Variants in ZFYVE9 observed in about 807,000 individuals in gnomAD.
The protein encoded by ZFYVE9 is zinc finger FYVE domain-containing protein 9.
A neutral mutation model predicts 126.7 loss-of-function variants in ZFYVE9; 43 were observed. The observed-to-expected ratio is 0.34, with a 90% CI of 0.27 to 0.44. ZFYVE9 has a LOEUF of 0.44. Ranked by LOEUF, ZFYVE9 falls within the 20% of genes least tolerant of loss-of-function variation. The probability of loss-of-function intolerance (pLI) is 1.00; values close to 1 mark genes in which losing one functional copy is unlikely to be tolerated. For missense variants in ZFYVE9, 1,476 were observed against 1,697.0 expected (o/e 0.87, Z 2.29); for synonymous variants, 521 against 597.4 (o/e 0.87, Z 1.87).
chr1:52,252,210 T>C (rs1048676747), intron 4 of ZFYVE9: 1 of 155,070 alleles, frequency 6.4e-6, no homozygotes, highest in African/African-American at 2.4e-5. Context: ...ACAGCTACTA[T>C]TAATGCTGCT....
intron 2 of ZFYVE9, among the ~76,000 whole-genome samples, chr1:52,220,198 T>G (rs2124602063): frequency 6.6e-6 from 1 of 152,318 alleles, no homozygotes; most frequent in East Asian, 1.9e-4. Context: ...TTTGATTAAT[T>G]CTTTCTACCC....
chr1:52,170,219 C>T (rs185051683), intron 1 of ZFYVE9, among the ~76,000 whole-genome samples: 42 of 152,122 alleles, frequency 2.8e-4, no homozygotes, highest in East Asian at 5.8e-4. Flanking sequence ...ATTCATTTGA[C>T]GATACTTATT....
At chr1:52,305,227 C>T (rs191653705) in intron 13 of ZFYVE9, among the ~76,000 whole-genome samples, 3 of 152,094 alleles carry the variant, frequency 2.0e-5, no homozygotes, top group Admixed American at 6.6e-5. Context: ...GATCACCTGA[C>T]GTCAGGAGTT....
chr1:52,187,991 A>G (rs1644780277), intron 1 of ZFYVE9, among the ~76,000 whole-genome samples: 1 of 152,234 alleles, frequency 6.6e-6, no homozygotes, highest in Non-Finnish European at 1.5e-5. Context: ...TACCCAAAGG[A>G]ATATAAATTG....
At chr1:52,146,146 G>A (rs1289302587) in intron 1 of ZFYVE9, among the ~76,000 whole-genome samples, 1 of 151,842 alleles carries the variant, frequency 6.6e-6, no homozygotes, top group African/African-American at 2.4e-5. Context: ...ATTGTATTTG[G>A]CATTGTAAGT....
At chr1:52,170,673 G>A (rs1431357384) in intron 1 of ZFYVE9, among the ~76,000 whole-genome samples, 1 of 152,000 alleles carries the variant, frequency 6.6e-6, no homozygotes, top group Non-Finnish European at 1.5e-5. Context: ...TCGGCATGTT[G>A]TGTTTCCATT....
chr1:52,273,029 C>T (rs960997193), intron 7 of ZFYVE9, among the ~76,000 whole-genome samples: 7 of 151,634 alleles, frequency 4.6e-5, no homozygotes, highest in African/African-American at 7.3e-5. Flanking sequence ...TGTTTTGAGA[C>T]GGAGTTTTGT....
chr1:52,212,707 G>A (rs993105242), intron 1 of ZFYVE9, among the ~76,000 whole-genome samples: 9 of 152,210 alleles, frequency 5.9e-5, no homozygotes, highest in African/African-American at 1.9e-4. Flanking sequence ...ATACTACTAT[G>A]TGAAAAGAAT....
At chr1:52,229,026 C>T (rs1326457032) in intron 2 of ZFYVE9, among the ~76,000 whole-genome samples, 1 of 151,914 alleles carries the variant, frequency 6.6e-6, no homozygotes, top group African/African-American at 2.4e-5. Context: ...AGTAGCTGCA[C>T]CACCACACCT....
At chr1:52,328,561 T>C (rs1646312790) in intron 13 of ZFYVE9, among the ~76,000 whole-genome samples, 1 of 152,226 alleles carries the variant, frequency 6.6e-6, no homozygotes, top group South Asian at 2.1e-4. Flanking sequence ...ATGATTTCCT[T>C]TGAGGCCAGC....
intron 1 of ZFYVE9, among the ~76,000 whole-genome samples, chr1:52,181,234 T>C (rs1203894681): frequency 6.6e-6 from 1 of 152,090 alleles, no homozygotes; most frequent in Non-Finnish European, 1.5e-5. Context: ...AGGCGCGCGC[T>C]GCCACGCCTG....
chr1:52,279,387 C>T (rs2147814631), intron 9 of ZFYVE9, among the ~76,000 whole-genome samples: 1 of 152,274 alleles, frequency 6.6e-6, no homozygotes, highest in East Asian at 1.9e-4. Context: ...AGCTTCAATA[C>T]ATCATAAATT....
At chr1:52,325,364 A>G (rs762768061) in intron 13 of ZFYVE9, among the ~76,000 whole-genome samples, 17 of 152,050 alleles carry the variant, frequency 1.1e-4, no homozygotes, top group East Asian at 9.6e-4. Context: ...CATAAAAAAT[A>G]AAAGAATTAG....
rs747487611 is a variant in ZFYVE9, at chr1:52,274,507, G to T, written c.2669G>T (p.Ser890Ile). 2 of 1,612,774 alleles carry T rather than the reference G, an allele frequency of 1.2e-6. No individual in the cohort carries two copies. Among genetic ancestry groups the T allele is most frequent in the Non-Finnish European group, 1.7e-6 (2 of 1,179,156 alleles). ...TCTGGGAGTATAACTCAGGTTGGAAGTCCTGTTGGAAGTGCAATGAATCTT... is the reference window on the plus strand; with the variant it reads ...TCTGGGAGTATAACTCAGGTTGGAATTCCTGTTGGAAGTGCAATGAATCTT... ...LFSGSITQVG[S>I]PVGSAMNLIP... The change falls in exon 8 of 19, where the codon AGT (serine) becomes ATT (isoleucine). Residue 890 changes from serine (S) to isoleucine (I), a missense_variant. Ser to Ile is a moderately radical substitution (Grantham distance 142, BLOSUM62 -2). Transcript: ENST00000287727.
intron 13 of ZFYVE9, among the ~76,000 whole-genome samples, chr1:52,325,707 G>A (rs1646284204): frequency 6.6e-6 from 1 of 152,174 alleles, no homozygotes; most frequent in African/African-American, 2.4e-5. Context: ...TATTCAGCAA[G>A]TATTTATGGA....
At chr1:52,197,264 A>G (rs1049387437) in intron 1 of ZFYVE9, among the ~76,000 whole-genome samples, 2 of 152,186 alleles carry the variant, frequency 1.3e-5, no homozygotes, top group Non-Finnish European at 2.9e-5. Flanking sequence ...ATAGAGAATT[A>G]CTATAGCGTG....
chr1:52,145,398 A>G (rs1463905799), intron 1 of ZFYVE9, among the ~76,000 whole-genome samples: 1 of 152,168 alleles, frequency 6.6e-6, no homozygotes, highest in Non-Finnish European at 1.5e-5. Context: ...TTTAAAAGAT[A>G]ATTGCCTGGA....
intron 11 of ZFYVE9, among the ~76,000 whole-genome samples, chr1:52,294,684 G>A (rs749415594): frequency 1.4e-4 from 21 of 152,210 alleles, no homozygotes; most frequent in Non-Finnish European, 2.8e-4. Flanking sequence ...CAGGAATGAA[G>A]GAGTAGTTGG....
Position 52,263,651 on chromosome 1 carries a change from A to C in ZFYVE9, c.2179-122A>C, listed in dbSNP as rs1351662474. 8 of 480,448 alleles carry C rather than the reference A, an allele frequency of 1.7e-5. No homozygotes were observed. In the East Asian group the frequency reaches 2.3e-4, roughly 14 times the overall value. The allele number at this position is 480,448 out of a possible 1,614,324, so 29.8% of individuals were successfully genotyped here. ...ACTTCCTGAACTACATTTTCTTTGA[A>C]ACTTTAGTATTGTAGTTTAATAAGG... On this transcript the variant is annotated intron_variant, in intron 4 of 18. Coordinates refer to ENST00000287727, the MANE Select transcript of ZFYVE9 (RefSeq NM_004799.4).
Sources: allele counts gnomAD v4.1 joint callset (sites outside exome capture counted in the v4.1 genomes callset), GRCh38; gene constraint gnomAD v4.1.1; transcripts MANE v1.5; gene names NCBI Gene and HGNC (gene_info 2026-07-23, HGNC 2026-07-21).